The following ITGA1 variants were observed in gnomAD, a reference collection of about 807,000 sequenced individuals.
ITGA1 encodes integrin alpha-1.
A neutral mutation model predicts 145.9 loss-of-function variants in ITGA1; 85 were observed. The observed-to-expected ratio is 0.58, with a 90% CI of 0.49 to 0.70. ITGA1 has a LOEUF of 0.70. Ranked by LOEUF, ITGA1 falls within the 30% of genes least tolerant of loss-of-function variation. ITGA1 has a pLI of 0.00. For missense variants in ITGA1, 1,351 were observed against 1,418.7 expected, an observed-to-expected ratio of 0.95 and a Z score of 0.77; for synonymous variants, 520 against 495.3, an observed-to-expected ratio of 1.05 and a Z score of -0.66.
chr5:52,912,750 A>ATTTTT (rs1290275331), intron 14 of ITGA1, among the ~76,000 whole-genome samples: 1 of 144,760 alleles, frequency 6.9e-6, no homozygotes, highest in South Asian at 2.2e-4. Context: ...GTATATATAT[A>ATTTTT]TATATTTTTT....
intron 16 of ITGA1, among the ~76,000 whole-genome samples, chr5:52,919,431 A>G (rs1750699903): frequency 6.6e-6 from 1 of 152,132 alleles, no homozygotes; most frequent in Admixed American, 6.6e-5. Context: ...GCATCAGGTC[A>G]GCCTGTGCTT....
intron 1 of ITGA1, among the ~76,000 whole-genome samples, chr5:52,838,778 C>T (rs554964266): frequency 9.2e-5 from 14 of 152,078 alleles, no homozygotes; most frequent in Non-Finnish European, 2.1e-4. Flanking sequence ...CTTAAAATGC[C>T]AGTAATTATT....
chr5:52,832,747 T>C (rs1377471796), intron 1 of ITGA1, among the ~76,000 whole-genome samples: 1 of 145,356 alleles, frequency 6.9e-6, no homozygotes, highest in Non-Finnish European at 1.5e-5. Context: ...CTTTTTATTC[T>C]GGCAGAAATA....
At chr5:52,861,688 T>G (rs1580067452) in intron 3 of ITGA1, 129 bp downstream of exon 3, 1 of 628,326 alleles carries the variant, frequency 1.6e-6, no homozygotes, top group South Asian at 1.9e-5. Flanking sequence ...CTGGGCAACC[T>G]GACGAAACCT....
intron 8 of ITGA1, 92 bp from the exon 9 acceptor site, chr5:52,893,583 T>A: frequency 8.5e-7 from 1 of 1,170,254 alleles, no homozygotes; most frequent in Non-Finnish European, 1.2e-6. Flanking sequence ...GCTAAGGTAC[T>A]CTACACTGTT....
In ITGA1 at chr5:52,800,289, C is replaced by A. The variant is rs555830093; in HGVS notation, c.61+11875C>A. The A allele has an allele frequency of 1.5e-4, 190 of 1,282,464 alleles. No homozygotes were observed. In the African/African-American group the frequency reaches 2.7e-3, roughly 18 times the overall value. 79.4% of individuals were successfully genotyped at this position (1,282,464 alleles called of 1,614,324 possible). On this transcript the variant is annotated intron_variant, in intron 1 of 28. Coordinates refer to ENST00000282588, the MANE Select transcript of ITGA1 (RefSeq NM_181501.2). ...CCCGCCAGGCAAGTGCCCTTAGAAA[C>A]CGGGCCCCGCCCCCTTCCTGGCCTG...
chr5:52,839,464 T>C (rs1339045044), intron 1 of ITGA1, among the ~76,000 whole-genome samples: 1 of 152,184 alleles, frequency 6.6e-6, no homozygotes, highest in African/African-American at 2.4e-5. Flanking sequence ...GAACATTAGG[T>C]AACTGGTTAC....
At chr5:52,838,913 G>A (rs1207421581) in intron 1 of ITGA1, among the ~76,000 whole-genome samples, 2 of 152,058 alleles carry the variant, frequency 1.3e-5, no homozygotes, top group South Asian at 2.1e-4. Flanking sequence ...TCTGGGCAAC[G>A]TGACGAGCAC....
At chr5:52,830,445 A>T (rs1484374926) in intron 1 of ITGA1, among the ~76,000 whole-genome samples, 1 of 152,260 alleles carries the variant, frequency 6.6e-6, no homozygotes, top group Non-Finnish European at 1.5e-5. Context: ...TTTACCAGAG[A>T]GTATACCTTA....
At chr5:52,855,845 A>G (rs1749504154) in intron 2 of ITGA1, among the ~76,000 whole-genome samples, 1 of 152,172 alleles carries the variant, frequency 6.6e-6, no homozygotes, top group Non-Finnish European at 1.5e-5. Context: ...TTTGTTTTCA[A>G]AGAAAACAGA....
chr5:52,791,059 C>T (rs1748228147), intron 1 of ITGA1, among the ~76,000 whole-genome samples: 1 of 152,158 alleles, frequency 6.6e-6, no homozygotes, highest in South Asian at 2.1e-4. Context: ...CAATAAACTT[C>T]CTATTTGATT....
intron 1 of ITGA1, among the ~76,000 whole-genome samples, chr5:52,833,419 G>T (rs967002337): frequency 6.6e-6 from 1 of 152,058 alleles, no homozygotes; most frequent in African/African-American, 2.4e-5. Flanking sequence ...GGACTTAAAA[G>T]AACTCATAAT....
intron 24 of ITGA1, 30 bp from the exon 25 acceptor site, chr5:52,939,560 G>T (rs752714804): frequency 2.8e-6 from 4 of 1,428,686 alleles, no homozygotes; most frequent in Admixed American, 3.5e-5. Context: ...ATCTGGCATT[G>T]TCTGATAAAT....
intron 6 of ITGA1, among the ~76,000 whole-genome samples, chr5:52,875,610 C>T (rs1040897600): frequency 7.2e-5 from 11 of 152,158 alleles, no homozygotes; most frequent in African/African-American, 1.2e-4. Context: ...CCTTATCCCC[C>T]GTGATATTAT....
intron 1 of ITGA1, among the ~76,000 whole-genome samples, chr5:52,805,850 A>T (rs1748580927): frequency 6.6e-6 from 1 of 152,108 alleles, no homozygotes; most frequent in African/African-American, 2.4e-5. Context: ...GAACTGTGGC[A>T]TCAATTTTGC....
chr5:52,800,319 C>T (rs982520581), intron 1 of ITGA1: 23 of 1,549,026 alleles, frequency 1.5e-5, no homozygotes, highest in African/African-American at 2.7e-5. Flanking sequence ...GGCCTGCATT[C>T]CCATCCCCTC....
At position 52,929,607 on chromosome 5, in the gene ITGA1, C is replaced by A; in HGVS notation, c.2695-18C>A. 1 of 1,290,718 alleles carries A rather than the reference C, an allele frequency of 7.7e-7. No homozygotes were observed. Among genetic ancestry groups the A allele is most frequent in the Non-Finnish European group, 1.1e-6 (1 of 895,084 alleles). 80.0% of individuals were successfully genotyped at this position (1,290,718 alleles called of 1,614,324 possible). ...TAAATTTCTTATCTGTTACTAAAGA[C>A]ATATTTTTATTTTATAGGTAACTTT... On this transcript the variant is annotated intron_variant, in intron 20 of 28. Coordinates refer to ENST00000282588, the MANE Select transcript of ITGA1 (RefSeq NM_181501.2).
At chr5:52,874,112 G>A (rs1377751127) in intron 6 of ITGA1, among the ~76,000 whole-genome samples, 3 of 152,048 alleles carry the variant, frequency 2.0e-5, no homozygotes, top group African/African-American at 7.2e-5. Context: ...GAGGCTGGGA[G>A]GGCCAAGATA....
chr5:52,813,502 G>T (rs1048285092), intron 1 of ITGA1, among the ~76,000 whole-genome samples: 2 of 152,158 alleles, frequency 1.3e-5, no homozygotes, highest in Non-Finnish European at 2.9e-5. Context: ...CTGGAAGAAG[G>T]CAAAGAGGCT....
Sources: gnomAD v4.1 joint callset for allele counts (sites outside exome capture counted in the v4.1 genomes callset) on GRCh38, gnomAD v4.1.1 for gene constraint, MANE v1.5 for transcripts, NCBI Gene and HGNC (gene_info 2026-07-23, HGNC 2026-07-21) for gene names.